Variants in MAPKAP1 observed in about 807,000 individuals in gnomAD.
The protein encoded by MAPKAP1 is target of rapamycin complex 2 subunit MAPKAP1.
In MAPKAP1, 20 loss-of-function variants were observed where a neutral mutation model predicts 65.7. That is an observed-to-expected ratio of 0.30 (90% confidence interval 0.21 to 0.44). The LOEUF is 0.44. MAPKAP1 is among the 20% of genes least tolerant of loss of function. MAPKAP1 has a pLI of 1.00. For synonymous variants in MAPKAP1, 222 were observed against 244.3 expected (o/e 0.91, Z 0.85); for missense variants, 423 against 648.0 (o/e 0.65, Z 3.77).
intron 4 of MAPKAP1, among the ~76,000 whole-genome samples, chr9:125,638,578 A>T (rs182666506): frequency 1.3e-5 from 2 of 152,332 alleles, no homozygotes; most frequent in Admixed American, 6.5e-5. Flanking sequence ...TACAAGCAAC[A>T]TCCTTTCTCC....
chr9:125,509,249 T>G (rs12341170), intron 7 of MAPKAP1, among the ~76,000 whole-genome samples: 2,528 of 149,404 alleles, frequency 0.017, 80 homozygotes, highest in Admixed American at 0.093. Context: ...CAGATATATA[T>G]AAACATTATG....
chr9:125,465,823 C>T (rs1294560846), intron 10 of MAPKAP1, among the ~76,000 whole-genome samples: 1 of 152,152 alleles, frequency 6.6e-6, no homozygotes, highest in Admixed American at 6.5e-5. Flanking sequence ...CAGAGAGAGC[C>T]TGACACTGGA....
At chr9:125,635,780 T>C (rs1487164307) in intron 4 of MAPKAP1, among the ~76,000 whole-genome samples, 1 of 152,216 alleles carries the variant, frequency 6.6e-6, no homozygotes, top group Non-Finnish European at 1.5e-5. Flanking sequence ...GGTAAGTCTT[T>C]ATACAGAAAT....
chr9:125,501,755 T>G (rs983574320), intron 8 of MAPKAP1, among the ~76,000 whole-genome samples: 1 of 152,108 alleles, frequency 6.6e-6, no homozygotes, highest in Non-Finnish European at 1.5e-5. Context: ...TTCTATAAAT[T>G]TGTTCATCTA....
intron 1 of MAPKAP1, among the ~76,000 whole-genome samples, chr9:125,701,016 G>A (rs566524063): frequency 1.4e-4 from 22 of 152,308 alleles, no homozygotes; most frequent in Non-Finnish European, 3.2e-4. Context: ...ATGAAGAGCT[G>A]AGTAGTGGTT....
chr9:125,530,065 A>G (rs548630886), intron 7 of MAPKAP1, among the ~76,000 whole-genome samples: 1 of 152,370 alleles, frequency 6.6e-6, no homozygotes, highest in South Asian at 2.1e-4. Context: ...AAACAGCTCC[A>G]GTATCAGGCC....
chr9:125,610,071 A>G (rs1206347108), intron 4 of MAPKAP1, among the ~76,000 whole-genome samples: 1 of 152,226 alleles, frequency 6.6e-6, no homozygotes, highest in African/African-American at 2.4e-5. Flanking sequence ...CCCAAAACCA[A>G]TATATTTGAA....
At chr9:125,597,413 C>A (rs1024640850) in intron 4 of MAPKAP1, among the ~76,000 whole-genome samples, 3 of 151,910 alleles carry the variant, frequency 2.0e-5, no homozygotes, top group Non-Finnish European at 4.4e-5. Flanking sequence ...GCCCTTTGGC[C>A]TGGGCAACAG....
chr9:125,514,893 T>C (rs1227320978), intron 7 of MAPKAP1, among the ~76,000 whole-genome samples: 2 of 152,104 alleles, frequency 1.3e-5, no homozygotes, highest in African/African-American at 2.4e-5. Flanking sequence ...GCTGATGCCG[T>C]CCGTATCAGA....
intron 5 of MAPKAP1, among the ~76,000 whole-genome samples, chr9:125,583,818 C>T (rs574548214): frequency 2.0e-5 from 3 of 152,220 alleles, no homozygotes; most frequent in Non-Finnish European, 2.9e-5. Flanking sequence ...AATCCCAACA[C>T]TTTGAGAGGC....
Position 125,636,911 on chromosome 9 carries a change from A to C in MAPKAP1, c.498+20740T>G, listed in dbSNP as rs1833441165. On this transcript the variant is annotated intron_variant, in intron 4 of 11. Transcript: ENST00000265960. Reference sequence around the variant, plus strand: ...TAGCCCAAAAATCTCGTGTCTAGCTAAGAAGACATACATACATGCAGATGA... The same window carrying C: ...TAGCCCAAAAATCTCGTGTCTAGCTCAGAAGACATACATACATGCAGATGA... 2.0e-5 allele frequency among the ~76,000 whole-genome samples: 3 copies of C among 152,210 alleles called. No homozygotes were observed. The South Asian group carries it at 6.2e-4, about 31-fold the overall frequency.
rs1409415068 is a variant in MAPKAP1, at chr9:125,624,583, G to A, written c.498+33068C>T. Among the ~76,000 whole-genome samples, 6 of 55,056 alleles carry A rather than the reference G, an allele frequency of 1.1e-4. 1 individual carries two copies. The highest frequency in any genetic ancestry group is 2.0e-3 in the South Asian group (2 of 986). 36.1% of individuals were successfully genotyped at this position (55,056 alleles called of 152,430 possible). ...AGGTGGGGGGTTCAGCCCCCCGCCC[G>A]GCCAGCCGCCCCGTCCGGGAGGGAG... is the stretch of plus-strand genomic sequence containing the variant. On this transcript the variant is annotated intron_variant, in intron 4 of 11. Coordinates refer to ENST00000265960, the MANE Select transcript of MAPKAP1 (RefSeq NM_001006617.3).
At chr9:125,556,863 AGGG>A (rs1830750144) in intron 6 of MAPKAP1, among the ~76,000 whole-genome samples, 1 of 152,232 alleles carries the variant, frequency 6.6e-6, no homozygotes, top group Non-Finnish European at 1.5e-5. Flanking sequence ...AAATACACAC[AGGG>A]CAAACGGTCA....
At chr9:125,683,011 T>C (rs1410005492) in intron 1 of MAPKAP1, among the ~76,000 whole-genome samples, 1 of 151,462 alleles carries the variant, frequency 6.6e-6, no homozygotes, top group East Asian at 1.9e-4. Context: ...CAGGCTGGAA[T>C]GCAATGGTGC....
In MAPKAP1 at chr9:125,506,376, C is replaced by T. The variant is rs370425781; in HGVS notation, c.1000G>A (p.Ala334Thr). The change falls in exon 8 of 12, where the codon GCC (alanine) becomes ACC (threonine). Residue 334 changes from alanine (A) to threonine (T), a missense_variant. Ala to Thr is a moderately conservative substitution (Grantham distance 58). This residue lies in a region of MAPKAP1 where 185 missense variants were observed against 268.1 expected (regional missense o/e 0.69). Transcript: ENST00000265960. ...RLEKQSEPNV[A>T]VDLDSTLESQ... Reference sequence around the variant, plus strand: ...TCCAAAGTGCTGTCCAGGTCAACGGCGACATTGGGCTCGCTCTGCTTCTCC... The same window carrying T: ...TCCAAAGTGCTGTCCAGGTCAACGGTGACATTGGGCTCGCTCTGCTTCTCC... 3.1e-6 allele frequency: 5 copies of T among 1,613,966 alleles called. No homozygotes were observed. The highest frequency in any genetic ancestry group is 2.2e-5 in the East Asian group (1 of 44,892).
chr9:125,541,559 G>T (rs548969497), intron 7 of MAPKAP1, among the ~76,000 whole-genome samples: 26 of 152,330 alleles, frequency 1.7e-4, no homozygotes, highest in Non-Finnish European at 3.1e-4. Context: ...ATCTAAAGCT[G>T]TTTAAAAGCT....
intron 4 of MAPKAP1, among the ~76,000 whole-genome samples, chr9:125,615,538 C>CAAAAAAAAAAAA (rs58426049): frequency 2.1e-4 from 23 of 110,718 alleles, no homozygotes; most frequent in African/African-American, 8.6e-4. Flanking sequence ...ACTAAAAATA[C>CAAAAAAAAAAAA]AAAAAAAAAA....
At chr9:125,610,594 C>T (rs1341789765) in intron 4 of MAPKAP1, among the ~76,000 whole-genome samples, 2 of 152,164 alleles carry the variant, frequency 1.3e-5, no homozygotes, top group East Asian at 3.8e-4. Context: ...CACCAAAGAC[C>T]TACATGTGAG....
At chr9:125,648,046 C>T (rs1461633066) in intron 4 of MAPKAP1, among the ~76,000 whole-genome samples, 2 of 151,818 alleles carry the variant, frequency 1.3e-5, no homozygotes, top group Non-Finnish European at 2.9e-5. Flanking sequence ...GGTTTCAAGT[C>T]CACTGCTAAA....
Sources: gnomAD v4.1 joint callset for allele counts (sites outside exome capture counted in the v4.1 genomes callset) on GRCh38, gnomAD v4.1.1 for gene constraint, gnomAD v4.1.1 regional missense constraint, MANE v1.5 for transcripts, NCBI Gene and HGNC (gene_info 2026-07-23, HGNC 2026-07-21) for gene names.